IMMT: variants seen among roughly 807,000 people sequenced by gnomAD.
IMMT encodes MICOS complex subunit MIC60.
IMMT carries 40 observed loss-of-function variants against 92.7 expected under a neutral mutation model. That is an observed-to-expected ratio of 0.43 (90% confidence interval 0.34 to 0.56). The LOEUF is 0.56. Ranked by LOEUF, IMMT falls within the 20% of genes least tolerant of loss-of-function variation. The pLI is 0.03. For synonymous variants in IMMT, 322 were observed against 336.1 expected (o/e 0.96, Z 0.46); for missense variants, 831 against 912.1 (o/e 0.91, Z 1.14).
intron 3 of IMMT, among the ~76,000 whole-genome samples, chr2:86,175,613 T>C (rs112964489): frequency 1.3e-5 from 2 of 151,684 alleles, no homozygotes; most frequent in Admixed American, 6.6e-5. Flanking sequence ...ACAGTAAATA[T>C]AGAGACAATG....
intron 10 of IMMT, among the ~76,000 whole-genome samples, chr2:86,155,843 T>C (rs1675816396): frequency 6.6e-6 from 1 of 152,224 alleles, no homozygotes; most frequent in African/African-American, 2.4e-5. Flanking sequence ...ATGGAATAAT[T>C]ACTATCTCTA....
chr2:86,170,951 A>C lies in IMMT; in HGVS notation c.560-107T>G, dbSNP rs2288115. On this transcript the variant is annotated intron_variant, in intron 5 of 14. Coordinates refer to ENST00000410111, the MANE Select transcript of IMMT (RefSeq NM_006839.3). ...TTGTACTGGCCAGTTATATCAATGC[A>C]GGGCATTTTTGTGTTAAGAATTCTA... 9.7e-4 allele frequency: 792 copies of C among 814,702 alleles called. 2 individuals carry two copies. The African/African-American group carries it at 0.012, about 12-fold the overall frequency. The allele number at this position is 814,702 out of a possible 1,614,324, so 50.5% of individuals were successfully genotyped here. A position where few individuals can be genotyped will look rare whatever the true frequency, so the allele number is the denominator to read the frequency against.
chr2:86,171,862 A>ATATTTTTTT (rs111461385), intron 4 of IMMT, among the ~76,000 whole-genome samples: 6 of 149,866 alleles, frequency 4.0e-5, no homozygotes, highest in Non-Finnish European at 5.9e-5. Context: ...ATATATATAT[A>ATATTTTTTT]TTTTTTGCAC....
At chr2:86,180,382 C>G (rs1038612394) in intron 2 of IMMT, among the ~76,000 whole-genome samples, 1 of 151,874 alleles carries the variant, frequency 6.6e-6, no homozygotes, top group African/African-American at 2.4e-5. Context: ...TCTCCTGCCT[C>G]AGCCTCCCGA....
intron 12 of IMMT, 138 bp from the exon 13 acceptor site, chr2:86,147,971 T>C: frequency 1.4e-6 from 1 of 714,736 alleles, no homozygotes; most frequent in African/African-American, 1.8e-5. Flanking sequence ...ATGTGTACAC[T>C]TCTACTTCTC....
At chr2:86,195,078 C>T (rs1573963119) in intron 1 of IMMT, 1 of 417,736 alleles carries the variant, frequency 2.4e-6, no homozygotes, top group East Asian at 3.7e-5. Context: ...GCAGCGCGGC[C>T]CTGATTGGAC....
intron 7 of IMMT, among the ~76,000 whole-genome samples, chr2:86,164,229 A>T (rs1428194598): frequency 6.6e-6 from 1 of 150,788 alleles, no homozygotes; most frequent in Non-Finnish European, 1.5e-5. Flanking sequence ...AGCTAATTTT[A>T]TATTTTTAGT....
chr2:86,174,864 T>C (rs377609144), intron 3 of IMMT, among the ~76,000 whole-genome samples: 1 of 152,244 alleles, frequency 6.6e-6, no homozygotes, highest in East Asian at 1.9e-4. Context: ...GTCATTCAAA[T>C]TGTTTCCTGT....
chr2:86,148,568 C>T (rs563902202), intron 12 of IMMT, among the ~76,000 whole-genome samples: 18 of 152,180 alleles, frequency 1.2e-4, no homozygotes, highest in Middle Eastern at 3.4e-3. Flanking sequence ...GCCAAGATTG[C>T]GCTGCTGCAC....
intron 7 of IMMT, among the ~76,000 whole-genome samples, chr2:86,164,161 G>A (rs1172737336): frequency 2.4e-4 from 33 of 139,720 alleles, no homozygotes; most frequent in Non-Finnish European, 7.6e-5. Flanking sequence ...AGGTTCAAGC[G>A]ATTCTCCTGC....
intron 2 of IMMT, among the ~76,000 whole-genome samples, chr2:86,180,080 A>AAAATAAAT (rs58209730): frequency 1.5e-4 from 23 of 151,756 alleles, no homozygotes; most frequent in African/African-American, 5.1e-4. Flanking sequence ...CTTGTCTCAA[A>AAAATAAAT]AAATAAATAA....
chr2:86,161,634 C>T (rs1445693114), intron 8 of IMMT, among the ~76,000 whole-genome samples: 1 of 151,368 alleles, frequency 6.6e-6, no homozygotes, highest in Admixed American at 6.6e-5. Context: ...CTGCCTCAGC[C>T]TCTCGAGTAG....
rs745391324 is a variant in IMMT at position 86,166,647 on chromosome 2, T to TA, written c.656-4dup. ...ATCTTCTAAGCTCTTGGCTAGAGCT[T>TA]AAAAAAAAAAAAGAACAGTTAAAAA... On this transcript the variant is annotated splice_region_variant and splice_polypyrimidine_tract_variant and intron_variant, in intron 6 of 14. Coordinates refer to ENST00000410111, the MANE Select transcript of IMMT (RefSeq NM_006839.3). 40,474 of 1,098,736 alleles carry TA rather than the reference T, an allele frequency of 0.037. 4 individuals are homozygous for TA. Among genetic ancestry groups the TA allele is most frequent in the South Asian group, 0.042 (2,633 of 62,676 alleles). 68.1% of individuals were successfully genotyped at this position (1,098,736 alleles called of 1,614,324 possible). A position where few individuals can be genotyped will look rare whatever the true frequency, so the allele number is the denominator to read the frequency against.
rs200913754 is a variant in IMMT, at chr2:86,153,574, C to T, written c.1163G>A (p.Ser388Asn). The change falls in exon 11 of 15, where the codon AGT (serine) becomes AAT (asparagine). Residue 388 changes from serine to asparagine, a missense_variant and splice_region_variant. By Grantham distance (46) the Ser-to-Asn change is conservative. Transcript: ENST00000410111. ...ATAACACTCACCTAAGTCTGAAACACCTACAAAGGAAAAAATAGAACAGTT... is the reference window on the plus strand; with the variant it reads ...ATAACACTCACCTAAGTCTGAAACATCTACAAAGGAAAAAATAGAACAGTT... ...PEVLPGWKGM[S>N]VSDLADKLST... is the part of the protein sequence containing the mutation. 56 of 1,473,536 alleles carry T rather than the reference C, an allele frequency of 3.8e-5. No individual in the cohort carries two copies. The highest frequency in any genetic ancestry group is 4.5e-5 in the Non-Finnish European group (49 of 1,091,994). The allele number at this position is 1,473,536 out of a possible 1,614,324, so 91.3% of individuals were successfully genotyped here.
In IMMT at chr2:86,168,568, A is replaced by G. The variant is rs549803553; in HGVS notation, c.656-1924T>C. Among the ~76,000 whole-genome samples, 6 of 152,316 alleles carry G rather than the reference A, an allele frequency of 3.9e-5. No homozygotes were observed. In the East Asian group the frequency reaches 1.2e-3, roughly 29 times the overall value. The stretch of plus-strand genomic sequence containing the variant: ...AACCTGGGAGTTGGAGGTTGTAGTG[A>G]GCCGATATTGCACCACTGCACTCCA... On this transcript the variant is annotated intron_variant, in intron 6 of 14. Transcript: ENST00000410111.
intron 1 of IMMT, among the ~76,000 whole-genome samples, chr2:86,189,669 G>T (rs80258987): frequency 0.013 from 1,947 of 152,254 alleles, 44 homozygotes; most frequent in African/African-American, 0.044. Flanking sequence ...AACTGATAAC[G>T]TTTTTGTGGA....
At chr2:86,193,642 AAG>A (rs895039605) in intron 1 of IMMT, among the ~76,000 whole-genome samples, 8 of 152,134 alleles carry the variant, frequency 5.3e-5, no homozygotes, top group Admixed American at 2.6e-4. Context: ...AAAGGAAAAC[AAG>A]AGAGATGGGA....
At chr2:86,189,559 C>A (rs911935654) in intron 1 of IMMT, among the ~76,000 whole-genome samples, 1 of 152,186 alleles carries the variant, frequency 6.6e-6, no homozygotes, top group African/African-American at 2.4e-5. Flanking sequence ...AAACCACAAT[C>A]TAGCATGACA....
intron 1 of IMMT, among the ~76,000 whole-genome samples, chr2:86,187,143 TATCTA>T (rs1457444287): frequency 6.6e-6 from 1 of 152,192 alleles, no homozygotes; most frequent in East Asian, 1.9e-4. Flanking sequence ...CCATCACCAC[TATCTA>T]ATCTTAGAAC....
Sources: gnomAD v4.1 joint callset for allele counts (sites outside exome capture counted in the v4.1 genomes callset) on GRCh38, gnomAD v4.1.1 for gene constraint, MANE v1.5 for transcripts, NCBI Gene and HGNC (gene_info 2026-07-23, HGNC 2026-07-21) for gene names.